The following AHCYL2 variants were observed in gnomAD, a reference collection of about 807,000 sequenced individuals.
The protein encoded by AHCYL2 is adenosylhomocysteinase like 2.
AHCYL2 carries 28 observed loss-of-function variants against 81.4 expected under a neutral mutation model. That is an observed-to-expected ratio of 0.34 (90% confidence interval 0.25 to 0.47). The LOEUF (loss-of-function observed/expected upper bound fraction) is 0.47, where lower values mean the gene tolerates loss of function less well. AHCYL2 is among the 20% of genes least tolerant of loss of function. The probability of loss-of-function intolerance (pLI) is 1.00; values close to 1 mark genes in which losing one functional copy is unlikely to be tolerated. For missense variants in AHCYL2, 551 were observed against 785.1 expected (o/e 0.70, Z 3.56); for synonymous variants, 272 against 290.2 (o/e 0.94, Z 0.64).
intron 1 of AHCYL2, among the ~76,000 whole-genome samples, chr7:129,312,494 G>A (rs1406243456): frequency 2.0e-5 from 3 of 151,950 alleles, no homozygotes; most frequent in African/African-American, 2.4e-5. Context: ...CTGCAGCCTC[G>A]AATTTCTGGG....
At chr7:129,343,863 C>T (rs1793271379) in intron 1 of AHCYL2, among the ~76,000 whole-genome samples, 1 of 152,078 alleles carries the variant, frequency 6.6e-6, no homozygotes, top group Admixed American at 6.6e-5. Context: ...AAGGCAAGCA[C>T]AGACTGGGAG....
At chr7:129,375,615 T>G in intron 1 of AHCYL2, 6 of 1,333,582 alleles carry the variant, frequency 4.5e-6, no homozygotes, top group Non-Finnish European at 5.7e-6. Flanking sequence ...AAAAAACAAG[T>G]AAAAGCAAAA....
At chr7:129,251,734 T>G (rs1795257449) in intron 1 of AHCYL2, among the ~76,000 whole-genome samples, 1 of 152,160 alleles carries the variant, frequency 6.6e-6, no homozygotes, top group Non-Finnish European at 1.5e-5. Flanking sequence ...TCATCTGTTT[T>G]TCTCAAACTG....
Position 129,422,821 on chromosome 7 carries a change from C to CT in AHCYL2, c.1462-17dup. ...GGGGCTTGCTATGGCTAATGCTGTA[C>CT]TTGCTGTATGTGTTCCAGGCGAGTC... On this transcript the variant is annotated intron_variant, in intron 12 of 16. Coordinates refer to ENST00000325006, the MANE Select transcript of AHCYL2 (RefSeq NM_015328.4). 2.5e-6 allele frequency: 4 copies of CT among 1,610,388 alleles called. No homozygotes were observed. Among genetic ancestry groups the CT allele is most frequent in the Non-Finnish European group, 3.4e-6 (4 of 1,177,014 alleles).
intron 1 of AHCYL2, among the ~76,000 whole-genome samples, chr7:129,364,356 G>A (rs148903330): frequency 0.012 from 1,855 of 152,054 alleles, 19 homozygotes; most frequent in Middle Eastern, 0.037. Context: ...GTGCAGTGGC[G>A]CGATCTCGGC....
chr7:129,359,037 C>T (rs1239606748), intron 1 of AHCYL2, among the ~76,000 whole-genome samples: 1 of 151,924 alleles, frequency 6.6e-6, no homozygotes, highest in Non-Finnish European at 1.5e-5. Flanking sequence ...ATATGGGTAC[C>T]GAAAGACATA....
chr7:129,423,375 T>C (rs1797206138), intron 13 of AHCYL2, among the ~76,000 whole-genome samples: 1 of 152,200 alleles, frequency 6.6e-6, no homozygotes, highest in Non-Finnish European at 1.5e-5. Flanking sequence ...TTTTTGAAGG[T>C]CCATTCCCTT....
chr7:129,350,585 C>G (rs1210720346), intron 1 of AHCYL2, among the ~76,000 whole-genome samples: 1 of 151,994 alleles, frequency 6.6e-6, no homozygotes, highest in Non-Finnish European at 1.5e-5. Flanking sequence ...CAGGGTTTCA[C>G]TATGTTGGCC....
chr7:129,363,663 G>C (rs1445879413), intron 1 of AHCYL2, among the ~76,000 whole-genome samples: 1 of 152,078 alleles, frequency 6.6e-6, no homozygotes, highest in East Asian at 1.9e-4. Flanking sequence ...TCAGCCTCCT[G>C]AGTAGCTGAG....
chr7:129,286,653 G>T (rs1796640619), intron 1 of AHCYL2, among the ~76,000 whole-genome samples: 1 of 152,002 alleles, frequency 6.6e-6, no homozygotes, highest in Non-Finnish European at 1.5e-5. Context: ...GTAGAGATGG[G>T]TTTCACCATG....
In AHCYL2 at chr7:129,368,594, A is replaced by C. The variant is rs941649150; in HGVS notation, c.364-11044A>C. 3 of 1,607,240 alleles carry C rather than the reference A, an allele frequency of 1.9e-6. No individual in the cohort carries two copies. Among genetic ancestry groups the C allele is most frequent in the African/African-American group, 2.7e-5 (2 of 74,776 alleles). Reference sequence around the variant, plus strand: ...TTTGTTTCTCCTTCTGTTTCTTGATAATGAGAGGCAACCATTTCTGACGGG... The same window carrying C: ...TTTGTTTCTCCTTCTGTTTCTTGATCATGAGAGGCAACCATTTCTGACGGG... On this transcript the variant is annotated intron_variant, in intron 1 of 16. Transcript: ENST00000325006. The surrounding 1 kb of genome is among the most constrained non-coding windows in gnomAD (Gnocchi z 4.4).
At chr7:129,299,741 G>A (rs2718093) in intron 1 of AHCYL2, among the ~76,000 whole-genome samples, 53,043 of 151,870 alleles carry the variant, frequency 0.35, 9,931 homozygotes, top group African/African-American at 0.5. Flanking sequence ...ACTTGTCAGA[G>A]GGGTGTTGTA....
intron 1 of AHCYL2, among the ~76,000 whole-genome samples, chr7:129,258,556 CTTT>C (rs56039495): frequency 0.018 from 2,364 of 133,080 alleles, 17 homozygotes; most frequent in South Asian, 0.034. Context: ...ATTTATCTTG[CTTT>C]TTTTTTTTTT....
At chr7:129,394,167 C>A (rs1226422039) in intron 4 of AHCYL2, among the ~76,000 whole-genome samples, 1 of 151,960 alleles carries the variant, frequency 6.6e-6, no homozygotes, top group African/African-American at 2.4e-5. Context: ...TACCACTATG[C>A]CTGGCTAATT....
In AHCYL2 at chr7:129,349,404, C is replaced by T. The variant is rs553750378; in HGVS notation, c.364-30234C>T. Among the ~76,000 whole-genome samples the T allele has an allele frequency of 5.0e-5, 7 of 141,050 alleles. No individual in the cohort carries two copies. In the Admixed American group the frequency reaches 5.5e-4, roughly 11 times the overall value. The allele number at this position is 141,050 out of a possible 152,430, so 92.5% of individuals were successfully genotyped here. On this transcript the variant is annotated intron_variant, in intron 1 of 16. Coordinates refer to ENST00000325006, the MANE Select transcript of AHCYL2 (RefSeq NM_015328.4). The stretch of plus-strand genomic sequence containing the variant: ...ATCCCAGCACTTGGGAAGGCTGAGG[C>T]GAGAGAATCACCTGAGGTCAGTTCG...
chr7:129,301,197 T>A (rs912610956), intron 1 of AHCYL2, among the ~76,000 whole-genome samples: 1 of 152,220 alleles, frequency 6.6e-6, no homozygotes, highest in Non-Finnish European at 1.5e-5. Context: ...GCCCATTTTT[T>A]AATTGAATTA....
intron 1 of AHCYL2, among the ~76,000 whole-genome samples, chr7:129,310,516 G>A (rs1797617237): frequency 6.6e-6 from 1 of 152,214 alleles, no homozygotes; most frequent in African/African-American, 2.4e-5. Context: ...AGCCAGGAGA[G>A]TGTGGTATTC....
intron 1 of AHCYL2, among the ~76,000 whole-genome samples, chr7:129,292,716 G>A (rs1256995617): frequency 2.6e-5 from 4 of 152,048 alleles, no homozygotes; most frequent in South Asian, 2.1e-4. Context: ...GCAATAAGCC[G>A]AGATCATGCC....
At chr7:129,289,441 C>T (rs1796757877) in intron 1 of AHCYL2, among the ~76,000 whole-genome samples, 1 of 152,166 alleles carries the variant, frequency 6.6e-6, no homozygotes, top group African/African-American at 2.4e-5. Context: ...TTACTTAGAT[C>T]CATTAAATCA....
Sources: gnomAD v4.1 joint callset for allele counts (sites outside exome capture counted in the v4.1 genomes callset) on GRCh38, gnomAD v4.1.1 for gene constraint, Gnocchi (gnomAD v3.1) non-coding constraint, MANE v1.5 for transcripts, NCBI Gene and HGNC (gene_info 2026-07-23, HGNC 2026-07-21) for gene names.